The following PLXDC2 variants were observed in gnomAD, a reference collection of about 807,000 sequenced individuals.
PLXDC2 encodes the protein plexin domain-containing protein 2.
Under a neutral mutation model 68.9 loss-of-function variants are expected in PLXDC2, and 40 were observed. That is an observed-to-expected ratio of 0.58 (90% CI 0.45 to 0.76). The LOEUF (loss-of-function observed/expected upper bound fraction) is 0.76, where lower values mean the gene tolerates loss of function less well. Ranked by LOEUF, PLXDC2 falls within the 30% of genes least tolerant of loss-of-function variation. The pLI is 0.00. For missense variants in PLXDC2, 644 were observed against 661.9 expected (o/e 0.97, Z 0.30); for synonymous variants, 243 against 234.2 (o/e 1.04, Z -0.34).
intron 4 of PLXDC2, among the ~76,000 whole-genome samples, chr10:20,112,017 A>G (rs1158226241): frequency 2.6e-5 from 4 of 152,182 alleles, no homozygotes; most frequent in African/African-American, 7.2e-5. Context: ...AGAGTCATTA[A>G]TGCCCTCTTA....
intron 2 of PLXDC2, among the ~76,000 whole-genome samples, chr10:20,032,746 T>C (rs1835520010): frequency 6.6e-6 from 1 of 151,938 alleles, no homozygotes; most frequent in South Asian, 2.1e-4. Context: ...AGCTACTCCA[T>C]ATGTCTCAGC....
chr10:19,982,710 T>G (rs1032643654), intron 1 of PLXDC2, among the ~76,000 whole-genome samples: 11 of 152,272 alleles, frequency 7.2e-5, no homozygotes, highest in African/African-American at 2.6e-4. Context: ...TAAACATGCC[T>G]TTATATCTTT....
intron 1 of PLXDC2, among the ~76,000 whole-genome samples, chr10:19,956,047 C>G (rs898959872): frequency 6.6e-6 from 1 of 152,108 alleles, no homozygotes; most frequent in East Asian, 1.9e-4. Context: ...GCATTGCACT[C>G]CAGCTTGGGT....
At chr10:20,179,939 C>G (rs766999397) in intron 9 of PLXDC2, among the ~76,000 whole-genome samples, 2 of 152,040 alleles carry the variant, frequency 1.3e-5, no homozygotes, top group Non-Finnish European at 2.9e-5. Context: ...CTTGTGTTTT[C>G]AATACCTGCT....
intron 1 of PLXDC2, among the ~76,000 whole-genome samples, chr10:19,941,215 T>C (rs1833813670): frequency 1.3e-5 from 2 of 152,230 alleles, no homozygotes. Context: ...CAAAAGGCAG[T>C]ACCGTGTGAG....
At chr10:19,879,158 G>T (rs1399595034) in intron 1 of PLXDC2, among the ~76,000 whole-genome samples, 1 of 152,100 alleles carries the variant, frequency 6.6e-6, no homozygotes, top group Non-Finnish European at 1.5e-5. Context: ...TCATTTAGGG[G>T]ACTAAAGCAA....
chr10:20,169,630 C>T (rs1834420250), intron 7 of PLXDC2, among the ~76,000 whole-genome samples: 1 of 152,114 alleles, frequency 6.6e-6, no homozygotes, highest in South Asian at 2.1e-4. Flanking sequence ...CTGACTTATC[C>T]CATCGGGCCT....
chr10:19,832,765 G>T (rs1389838024), intron 1 of PLXDC2, among the ~76,000 whole-genome samples: 31 of 152,216 alleles, frequency 2.0e-4, no homozygotes, highest in Admixed American at 2.0e-3. Flanking sequence ...ACTTGTGGTT[G>T]CACAAGGGAG....
chr10:20,132,770 TAA>T lies in PLXDC2; in HGVS notation c.542-10514_542-10513del, dbSNP rs61655560. ...TGTAAAGAACATATAGTTTGATCTTTAAAAAAAAAAAATCCATTCAACCACTA... is the reference window on the plus strand; with the variant it reads ...TGTAAAGAACATATAGTTTGATCTTTAAAAAAAAAATCCATTCAACCACTA... On this transcript the variant is annotated intron_variant, in intron 4 of 13. Coordinates refer to ENST00000377252, the MANE Select transcript of PLXDC2 (RefSeq NM_032812.9). Among the ~76,000 whole-genome samples, 564 of 150,302 alleles carry T rather than the reference TAA, an allele frequency of 3.8e-3. 3 individuals are homozygous for T. Among genetic ancestry groups the T allele is most frequent in the African/African-American group, 0.012 (500 of 41,090 alleles).
chr10:19,937,253 G>C (rs548188778), intron 1 of PLXDC2, among the ~76,000 whole-genome samples: 1 of 151,938 alleles, frequency 6.6e-6, no homozygotes, highest in African/African-American at 2.4e-5. Context: ...GTCATCTTTC[G>C]CATGTCATGG....
chr10:19,837,841 TG>T (rs1230249264), intron 1 of PLXDC2, among the ~76,000 whole-genome samples: 1 of 152,192 alleles, frequency 6.6e-6, no homozygotes, highest in Non-Finnish European at 1.5e-5. Flanking sequence ...CTGTCCTTTT[TG>T]TTTTGGTTTA....
intron 1 of PLXDC2, among the ~76,000 whole-genome samples, chr10:19,966,132 T>C (rs1340717132): frequency 6.6e-6 from 1 of 150,608 alleles, no homozygotes; most frequent in Non-Finnish European, 1.5e-5. Context: ...TCTTTCTCTT[T>C]ATATATATAG....
intron 4 of PLXDC2, among the ~76,000 whole-genome samples, chr10:20,126,410 C>G (rs111208151): frequency 0.055 from 1,403 of 25,624 alleles, 321 homozygotes; most frequent in African/African-American, 0.099. Flanking sequence ...TATGTATATA[C>G]AACACACGTT....
Position 20,230,704 on chromosome 10 carries a change from A to AAAAAAAAAAAC in PLXDC2, c.1312+11604_1312+11614dup, listed in dbSNP as rs1554776721. ...GTGAGACCTTGTCTCAAAAAAAAAA[A>AAAAAAAAAAAC]AAAAAAAAAACAGGAAAACAGTGTC... On this transcript the variant is annotated intron_variant, in intron 12 of 13. Coordinates refer to ENST00000377252, the MANE Select transcript of PLXDC2 (RefSeq NM_032812.9). Among the ~76,000 whole-genome samples the AAAAAAAAAAAC allele has an allele frequency of 6.0e-5, 9 of 149,242 alleles. 1 individual carries two copies. Among genetic ancestry groups the AAAAAAAAAAAC allele is most frequent in the Non-Finnish European group, 1.3e-4 (9 of 67,270 alleles).
At chr10:19,841,247 G>T (rs557015619) in intron 1 of PLXDC2, among the ~76,000 whole-genome samples, 7 of 152,144 alleles carry the variant, frequency 4.6e-5, no homozygotes, top group Admixed American at 2.6e-4. Flanking sequence ...TTTGAAATGT[G>T]CACATTATGA....
intron 1 of PLXDC2, among the ~76,000 whole-genome samples, chr10:19,883,061 G>A (rs980768878): frequency 6.0e-5 from 9 of 150,172 alleles, no homozygotes; most frequent in Admixed American, 1.3e-4. Flanking sequence ...GGTTCACGCC[G>A]TTCTCCTGCC....
intron 7 of PLXDC2, among the ~76,000 whole-genome samples, chr10:20,166,217 G>T (rs1834372509): frequency 6.6e-6 from 1 of 152,138 alleles, no homozygotes; most frequent in East Asian, 1.9e-4. Flanking sequence ...AATATTATAA[G>T]GGTTATCTTA....
chr10:19,956,200 A>G (rs1834066448), intron 1 of PLXDC2, among the ~76,000 whole-genome samples: 1 of 152,178 alleles, frequency 6.6e-6, no homozygotes, highest in Admixed American at 6.5e-5. Flanking sequence ...GCTTTGAAAC[A>G]ATCCCTTTTA....
intron 6 of PLXDC2, among the ~76,000 whole-genome samples, chr10:20,150,838 G>T (rs1265249612): frequency 6.6e-6 from 1 of 152,068 alleles, no homozygotes; most frequent in Non-Finnish European, 1.5e-5. Context: ...TCTGTTCTTG[G>T]TTGGTATTTT....
Sources: gnomAD v4.1 joint callset for allele counts (sites outside exome capture counted in the v4.1 genomes callset) on GRCh38, gnomAD v4.1.1 for gene constraint, MANE v1.5 for transcripts, NCBI Gene and HGNC (gene_info 2026-07-23, HGNC 2026-07-21) for gene names.